The following RFFL variants were observed in gnomAD, a reference collection of about 807,000 sequenced individuals.
The protein encoded by RFFL is ring finger and FYVE like domain containing E3 ubiquitin protein ligase.
Under a neutral mutation model 40.4 loss-of-function variants are expected in RFFL, and 16 were observed. The ratio of observed to expected loss-of-function variants is 0.40; its 90% confidence interval spans 0.27 to 0.60. The LOEUF is 0.60. Ranked by LOEUF, RFFL falls within the 20% of genes least tolerant of loss-of-function variation. The pLI is 0.47. For missense variants in RFFL, 367 were observed against 451.7 expected, an observed-to-expected ratio of 0.81 and a Z score of 1.70; for synonymous variants, 154 against 167.9, an observed-to-expected ratio of 0.92 and a Z score of 0.64.
chr17:35,077,657 C>T (rs2142383680), intron 1 of RFFL, among the ~76,000 whole-genome samples: 1 of 152,336 alleles, frequency 6.6e-6, no homozygotes, highest in South Asian at 2.1e-4. Context: ...TATCTTATAG[C>T]TTCTGATTTA....
At chr17:35,045,399 AT>A (rs1393769097) in intron 1 of RFFL, among the ~76,000 whole-genome samples, 23 of 151,548 alleles carry the variant, frequency 1.5e-4, no homozygotes, top group Non-Finnish European at 2.8e-4. Context: ...TGCCTGGCTA[AT>A]TTTTTGTATT....
intron 3 of RFFL, among the ~76,000 whole-genome samples, chr17:35,020,879 C>T (rs1034875856): frequency 9.2e-5 from 14 of 152,184 alleles, no homozygotes; most frequent in Non-Finnish European, 1.6e-4. Context: ...CTGCTTCCAG[C>T]CAGTGACTGG....
At chr17:35,029,889 T>C (rs541223181) in intron 1 of RFFL, among the ~76,000 whole-genome samples, 12 of 141,846 alleles carry the variant, frequency 8.5e-5, no homozygotes, top group Middle Eastern at 3.5e-3. Context: ...CCCCTTCCTG[T>C]GTCCATGTGT....
intron 1 of RFFL, among the ~76,000 whole-genome samples, chr17:35,037,589 T>C (rs919563398): frequency 6.6e-6 from 1 of 152,246 alleles, no homozygotes; most frequent in African/African-American, 2.4e-5. Context: ...TGTTATCTCA[T>C]GTGATCCTCA....
chr17:35,087,262 AG>A (rs1390411196), intron 1 of RFFL, among the ~76,000 whole-genome samples: 1 of 151,918 alleles, frequency 6.6e-6, no homozygotes, highest in Admixed American at 6.6e-5. Flanking sequence ...GAGAAGGGAG[AG>A]TCACCTAAGC....
chr17:35,020,077 G>T (rs1474970636), intron 3 of RFFL, among the ~76,000 whole-genome samples: 6 of 152,148 alleles, frequency 3.9e-5, no homozygotes, highest in Non-Finnish European at 5.9e-5. Context: ...ATGGTATCAC[G>T]CATTCAGGTC....
intron 6 of RFFL, among the ~76,000 whole-genome samples, chr17:35,014,090 G>A (rs2090958057): frequency 6.6e-6 from 1 of 152,166 alleles, no homozygotes; most frequent in African/African-American, 2.4e-5. Flanking sequence ...ATATACCCTT[G>A]AGGCTTTTGA....
intron 3 of RFFL, among the ~76,000 whole-genome samples, chr17:35,019,283 T>G (rs1299493139): frequency 6.6e-6 from 1 of 152,202 alleles, no homozygotes; most frequent in Admixed American, 6.5e-5. Context: ...AGATCTTGTA[T>G]GTAGGGTGAC....
At chr17:35,057,436 T>G (rs1488684252) in intron 1 of RFFL, among the ~76,000 whole-genome samples, 2 of 151,802 alleles carry the variant, frequency 1.3e-5, no homozygotes, top group East Asian at 3.9e-4. Flanking sequence ...GGCTGAAACA[T>G]TCTCCCTAGC....
intron 1 of RFFL, among the ~76,000 whole-genome samples, chr17:35,077,232 T>G (rs1163500548): frequency 1.3e-5 from 2 of 151,932 alleles, no homozygotes; most frequent in African/African-American, 4.8e-5. Flanking sequence ...GAATGGGAGC[T>G]CTCAGATGGT....
intron 1 of RFFL, chr17:35,074,278 A>G (rs1356146069): frequency 6.6e-6 from 1 of 152,162 alleles, no homozygotes; most frequent in Non-Finnish European, 1.5e-5. Context: ...CTCCTTTTGT[A>G]AGAAAAACTA....
At chr17:35,055,362 T>C (rs2142361603) in intron 1 of RFFL, among the ~76,000 whole-genome samples, 1 of 152,168 alleles carries the variant, frequency 6.6e-6, no homozygotes, top group Middle Eastern at 3.4e-3. Context: ...CCAAGAACTA[T>C]GGACAGAAAT....
At chr17:35,022,146 C>T (rs889692554) in intron 2 of RFFL, among the ~76,000 whole-genome samples, 1 of 152,204 alleles carries the variant, frequency 6.6e-6, no homozygotes, top group African/African-American at 2.4e-5. Flanking sequence ...CTTGCAGTAT[C>T]ACCTTGGGTG....
At chr17:35,075,986 CTTTTTTT>C (rs35996071) in intron 1 of RFFL, among the ~76,000 whole-genome samples, 9 of 80,030 alleles carry the variant, frequency 1.1e-4, no homozygotes, top group Non-Finnish European at 1.8e-4. Context: ...TCAATTTATT[CTTTTTTT>C]TTTTTTTTTT....
intron 1 of RFFL, among the ~76,000 whole-genome samples, chr17:35,087,304 T>C (rs915235182): frequency 3.4e-4 from 52 of 151,844 alleles, no homozygotes; most frequent in African/African-American, 1.2e-3. Flanking sequence ...TGAGCCATGA[T>C]TACGCCACTG....
At chr17:35,056,956 C>A (rs561017098) in intron 1 of RFFL, among the ~76,000 whole-genome samples, 27 of 150,932 alleles carry the variant, frequency 1.8e-4, no homozygotes, top group African/African-American at 6.6e-4. Flanking sequence ...ACTTTTGTTA[C>A]CCAGGCTGGA....
At chr17:35,050,194 T>A (rs1305374953) in intron 1 of RFFL, among the ~76,000 whole-genome samples, 3 of 151,952 alleles carry the variant, frequency 2.0e-5, no homozygotes. Context: ...TGCAGTGAAC[T>A]GTGATTGCAC....
exon 1 of RFFL, chr17:35,089,128 G>C (rs2091446044): frequency 2.6e-5 from 4 of 152,362 alleles, no homozygotes; most frequent in East Asian, 1.9e-4. Context: ...CCTCCCGGCC[G>C]GCACCTAGGA....
At position 35,011,935 on chromosome 17, in the gene RFFL, C is replaced by T. The variant is rs772676500; in HGVS notation, c.*33G>A. On this transcript the variant is annotated 3_prime_UTR_variant, in exon 7 of 7. Transcript: ENST00000394597. ...GAGCCCAGACACCCCAGGCTATTTCCCTGTAAGGCACTGAAGAAACCGATG... is the reference window on the plus strand; with the variant it reads ...GAGCCCAGACACCCCAGGCTATTTCTCTGTAAGGCACTGAAGAAACCGATG... 1.9e-6 allele frequency: 3 copies of T among 1,605,934 alleles called. No homozygotes were observed. The highest frequency in any genetic ancestry group is 2.2e-5 in the East Asian group (1 of 44,814).
Sources: gnomAD v4.1 joint callset for allele counts (sites outside exome capture counted in the v4.1 genomes callset) on GRCh38, gnomAD v4.1.1 for gene constraint, MANE v1.5 for transcripts, NCBI Gene and HGNC (gene_info 2026-07-23, HGNC 2026-07-21) for gene names.